NCK2: variants seen among roughly 807,000 people sequenced by gnomAD.
NCK2 encodes the protein cytoplasmic protein NCK2.
NCK2 carries 16 observed loss-of-function variants against 33.9 expected under a neutral mutation model. The observed-to-expected ratio is 0.47, with a 90% CI of 0.32 to 0.72. NCK2 has a LOEUF of 0.72. Ranked by LOEUF, NCK2 falls within the 30% of genes least tolerant of loss-of-function variation. The probability of loss-of-function intolerance (pLI) is 0.03; values close to 1 mark genes in which losing one functional copy is unlikely to be tolerated. For missense variants in NCK2, 418 were observed against 537.3 expected, an observed-to-expected ratio of 0.78 and a Z score of 2.19; for synonymous variants, 273 against 239.9, an observed-to-expected ratio of 1.14 and a Z score of -1.27.
intron 2 of NCK2, among the ~76,000 whole-genome samples, chr2:105,831,891 A>T (rs571667291): frequency 7.2e-5 from 11 of 152,168 alleles, no homozygotes; most frequent in African/African-American, 2.7e-4. Flanking sequence ...TTGTGGTTGC[A>T]TACAAATTTT....
intron 1 of NCK2, among the ~76,000 whole-genome samples, chr2:105,771,560 C>T (rs1690137482): frequency 6.6e-6 from 1 of 152,064 alleles, no homozygotes; most frequent in Non-Finnish European, 1.5e-5. Flanking sequence ...AGTGGAACTC[C>T]CTCTCAAAAA....
At chr2:105,762,037 C>T (rs947069383) in intron 1 of NCK2, among the ~76,000 whole-genome samples, 5 of 152,134 alleles carry the variant, frequency 3.3e-5, no homozygotes, top group Non-Finnish European at 7.4e-5. Context: ...ACTACAGTTG[C>T]AAGTGTGGGT....
intron 3 of NCK2, among the ~76,000 whole-genome samples, chr2:105,874,969 A>T (rs1476939142): frequency 6.6e-6 from 1 of 152,230 alleles, no homozygotes; most frequent in Admixed American, 6.5e-5. Context: ...CAAGTCAGCT[A>T]TTTGCCACTT....
chr2:105,837,472 T>G (rs1676475332), intron 2 of NCK2, among the ~76,000 whole-genome samples: 1 of 152,188 alleles, frequency 6.6e-6, no homozygotes, highest in African/African-American at 2.4e-5. Flanking sequence ...TTTCTTGGTA[T>G]GATAGTGAAT....
chr2:105,819,171 T>A (rs1558852857), intron 2 of NCK2, among the ~76,000 whole-genome samples: 1 of 152,162 alleles, frequency 6.6e-6, no homozygotes, highest in Non-Finnish European at 1.5e-5. Flanking sequence ...TTGGCTCTTC[T>A]AGCTTTGGGT....
intron 4 of NCK2, among the ~76,000 whole-genome samples, chr2:105,890,377 A>G (rs1678920148): frequency 6.6e-6 from 1 of 152,228 alleles, no homozygotes; most frequent in Non-Finnish European, 1.5e-5. Flanking sequence ...TACTGCCTCC[A>G]CTAAAAATGA....
At chr2:105,878,274 T>C (rs1678316931) in intron 3 of NCK2, among the ~76,000 whole-genome samples, 1 of 152,202 alleles carries the variant, frequency 6.6e-6, no homozygotes, top group Non-Finnish European at 1.5e-5. Context: ...ATGGGCCAGA[T>C]TGCATCTTCC....
chr2:105,850,518 G>T (rs1485267389), intron 2 of NCK2, among the ~76,000 whole-genome samples: 1 of 152,096 alleles, frequency 6.6e-6, no homozygotes, highest in Non-Finnish European at 1.5e-5. Context: ...TTTTAGAGTG[G>T]TCACATGACA....
At chr2:105,812,829 T>C (rs545060935) in intron 1 of NCK2, among the ~76,000 whole-genome samples, 13 of 150,804 alleles carry the variant, frequency 8.6e-5, no homozygotes, top group East Asian at 7.8e-4. Context: ...TTTTTTTTTT[T>C]CCCTCCTGTG....
intron 1 of NCK2, among the ~76,000 whole-genome samples, chr2:105,812,911 T>G (rs758972786): frequency 6.6e-6 from 1 of 151,902 alleles, no homozygotes; most frequent in South Asian, 2.1e-4. Context: ...TGCTTCTTGA[T>G]GTAGCCTGAC....
chr2:105,773,858 G>A (rs1008325406), intron 1 of NCK2, among the ~76,000 whole-genome samples: 3 of 152,142 alleles, frequency 2.0e-5, no homozygotes, highest in African/African-American at 4.8e-5. Context: ...TTCTTATGCA[G>A]TGTTTTGGGT....
chr2:105,809,027 G>T (rs1675192803), intron 1 of NCK2, among the ~76,000 whole-genome samples: 1 of 152,222 alleles, frequency 6.6e-6, no homozygotes, highest in African/African-American at 2.4e-5. Flanking sequence ...AAATGGCATG[G>T]CTATGTTACA....
rs139265895 is a variant in NCK2, at chr2:105,746,233, G to C, written c.-201+1095G>C. ...TGCATAATGGGATGAGCAGGCCCCAGTGTGGGCAGGAGGGGGCCTAAAATA... is the reference window on the plus strand; with the variant it reads ...TGCATAATGGGATGAGCAGGCCCCACTGTGGGCAGGAGGGGGCCTAAAATA... On this transcript the variant is annotated intron_variant, in intron 1 of 4. Coordinates refer to ENST00000233154, the MANE Select transcript of NCK2 (RefSeq NM_003581.5). Among the ~76,000 whole-genome samples, 9 of 152,342 alleles carry C rather than the reference G, an allele frequency of 5.9e-5. No individual in the cohort carries two copies. In the East Asian group the frequency reaches 1.7e-3, roughly 29 times the overall value.
At position 105,807,477 on chromosome 2, in the gene NCK2, A is replaced by G. The variant is rs1015807021; in HGVS notation, c.-200-8953A>G. Among the ~76,000 whole-genome samples, 4 of 152,146 alleles carry G rather than the reference A, an allele frequency of 2.6e-5. No individual in the cohort carries two copies. The South Asian group carries it at 8.3e-4, about 32-fold the overall frequency. On this transcript the variant is annotated intron_variant, in intron 1 of 4. Transcript: ENST00000233154. The stretch of plus-strand genomic sequence containing the variant: ...AAAATTATTTAGTAGCATACAGCTG[A>G]TATCTATGTAATTTGAGAAGTGTAA...
chr2:105,851,164 A>C lies in NCK2; in HGVS notation c.-16-3884A>C, dbSNP rs1208196721. Among the ~76,000 whole-genome samples the C allele has an allele frequency of 4.6e-5, 7 of 152,324 alleles. No individual in the cohort carries two copies. The South Asian group carries it at 1.0e-3, about 23-fold the overall frequency. ...TAAATGAGGGAGCCATTGTTGTATCAGTGCATGGCCATAACTCAGCTTCAG... is the reference window on the plus strand; with the variant it reads ...TAAATGAGGGAGCCATTGTTGTATCCGTGCATGGCCATAACTCAGCTTCAG... On this transcript the variant is annotated intron_variant, in intron 2 of 4. Transcript: ENST00000233154.
intron 1 of NCK2, among the ~76,000 whole-genome samples, chr2:105,752,135 A>G (rs1689473189): frequency 6.6e-6 from 1 of 152,204 alleles, no homozygotes; most frequent in South Asian, 2.1e-4. Context: ...GGCCTTGGCC[A>G]CACGCGACTA....
At position 105,842,760 on chromosome 2, in the gene NCK2, T is replaced by G. The variant is rs73950510; in HGVS notation, c.-16-12288T>G. Among the ~76,000 whole-genome samples the G allele has an allele frequency of 6.1e-3, 925 of 152,056 alleles. 14 individuals carry two copies. The highest frequency in any genetic ancestry group is 0.02 in the African/African-American group (833 of 41,492). The stretch of plus-strand genomic sequence containing the variant: ...GTGGGCTCTGGGAGGCCTGACTGGG[T>G]TGGGGACAGTGAATGCAGAGGTGGG... On this transcript the variant is annotated intron_variant, in intron 2 of 4. Coordinates refer to ENST00000233154, the MANE Select transcript of NCK2 (RefSeq NM_003581.5).
At chr2:105,844,956 C>T (rs1438038276) in intron 2 of NCK2, among the ~76,000 whole-genome samples, 1 of 151,744 alleles carries the variant, frequency 6.6e-6, no homozygotes, top group Admixed American at 6.6e-5. Context: ...TTTATTGTTC[C>T]AAACTCATTT....
chr2:105,798,269 G>A (rs1338936030), intron 1 of NCK2, among the ~76,000 whole-genome samples: 2 of 152,188 alleles, frequency 1.3e-5, no homozygotes, highest in Non-Finnish European at 2.9e-5. Flanking sequence ...CATACTTCAA[G>A]GGAAGCCTCC....
Sources: allele counts gnomAD v4.1 joint callset (sites outside exome capture counted in the v4.1 genomes callset), GRCh38; gene constraint gnomAD v4.1.1; transcripts MANE v1.5; gene names NCBI Gene and HGNC (gene_info 2026-07-23, HGNC 2026-07-21).